Variants in TSHZ3 observed in about 807,000 individuals in gnomAD.
TSHZ3 encodes teashirt homolog 3.
In TSHZ3, 10 loss-of-function variants were observed where a neutral mutation model predicts 64.5. The ratio of observed to expected loss-of-function variants is 0.16; its 90% CI spans 0.10 to 0.26. The LOEUF (loss-of-function observed/expected upper bound fraction) is 0.26. TSHZ3 is among the 10% of genes least tolerant of loss of function. The probability of loss-of-function intolerance (pLI) is 1.00; values close to 1 mark genes in which losing one functional copy is unlikely to be tolerated. For missense variants in TSHZ3, 1,242 were observed against 1,421.7 expected, an observed-to-expected ratio of 0.87 and a Z score of 2.03; for synonymous variants, 608 against 593.1, an observed-to-expected ratio of 1.03 and a Z score of -0.36.
chr19:31,337,971 A>G (rs1917302854), intron 1 of TSHZ3, among the ~76,000 whole-genome samples: 1 of 152,224 alleles, frequency 6.6e-6, no homozygotes, highest in South Asian at 2.1e-4. Flanking sequence ...TAATGTCCAC[A>G]CTGTAAGTCA....
At chr19:31,219,496 T>G (rs1975372861) in intron 4 of TSHZ3, among the ~76,000 whole-genome samples, 1 of 152,132 alleles carries the variant, frequency 6.6e-6, no homozygotes, top group Non-Finnish European at 1.5e-5. Context: ...TCTAGAGCAG[T>G]TCTGGCCAGT....
At chr19:31,335,728 CT>C (rs1917223625) in intron 1 of TSHZ3, among the ~76,000 whole-genome samples, 1 of 152,216 alleles carries the variant, frequency 6.6e-6, no homozygotes, top group African/African-American at 2.4e-5. Flanking sequence ...GGTGAGACCT[CT>C]GTGAGGGTAC....
intron 5 of TSHZ3, among the ~76,000 whole-genome samples, chr19:31,158,996 C>CGTTT (rs138149445): frequency 0.027 from 4,070 of 152,112 alleles, 155 homozygotes; most frequent in African/African-American, 0.089. Flanking sequence ...CCCTCTTCTA[C>CGTTT]GTTTGTTTGT....
intron 5 of TSHZ3, among the ~76,000 whole-genome samples, chr19:31,177,228 T>A (rs1599562114): frequency 6.6e-6 from 1 of 152,208 alleles, no homozygotes; most frequent in Non-Finnish European, 1.5e-5. Flanking sequence ...TGGGTTACTG[T>A]AGGCATGCTG....
At chr19:31,316,859 T>C (rs369614825) in intron 1 of TSHZ3, among the ~76,000 whole-genome samples, 1 of 152,156 alleles carries the variant, frequency 6.6e-6, no homozygotes, top group East Asian at 1.9e-4. Flanking sequence ...CACTGAACAG[T>C]CTTTCTAGTC....
At chr19:31,268,119 C>T (rs1443697259) in intron 1 of TSHZ3, among the ~76,000 whole-genome samples, 1 of 152,134 alleles carries the variant, frequency 6.6e-6, no homozygotes, top group Non-Finnish European at 1.5e-5. Context: ...AGTTCCCCTG[C>T]CCATGCTGTC....
chr19:31,349,306 G>C lies in TSHZ3; in HGVS notation c.-87C>G. 7.4e-7 allele frequency: 1 copy of C among 1,345,754 alleles called. No homozygotes were observed. The highest frequency in any genetic ancestry group is 9.8e-7 in the Non-Finnish European group (1 of 1,016,588). The allele number at this position is 1,345,754 out of a possible 1,614,324, so 83.4% of individuals were successfully genotyped here. A position where few individuals can be genotyped will look rare whatever the true frequency, so the allele number is the denominator to read the frequency against. On this transcript the variant is annotated 5_prime_UTR_variant, in exon 1 of 2. Coordinates refer to ENST00000240587, the MANE Select transcript of TSHZ3 (RefSeq NM_020856.4). ...GGGAGGGGGCGGCGGGCCCGCGGGGGGGCGAGGCGGGCCTGCTCTCAGCCT... is the reference window on the plus strand; with the variant it reads ...GGGAGGGGGCGGCGGGCCCGCGGGGCGGCGAGGCGGGCCTGCTCTCAGCCT...
chr19:31,293,984 A>T (rs1490810575), intron 1 of TSHZ3, among the ~76,000 whole-genome samples: 2 of 152,164 alleles, frequency 1.3e-5, no homozygotes, highest in African/African-American at 4.8e-5. Context: ...CTTCCCATGC[A>T]TCTCTTCATT....
At chr19:31,180,294 T>G (rs1196913412) in intron 5 of TSHZ3, among the ~76,000 whole-genome samples, 1 of 152,154 alleles carries the variant, frequency 6.6e-6, no homozygotes, top group Non-Finnish European at 1.5e-5. Context: ...CAGTCCTAGA[T>G]AGCAAGGTAC....
chr19:31,255,391 A>G (rs1416857809), intron 1 of TSHZ3, among the ~76,000 whole-genome samples: 1 of 152,100 alleles, frequency 6.6e-6, no homozygotes, highest in African/African-American at 2.4e-5. Context: ...ATAACTCACC[A>G]TGTTGCAGGA....
intron 3 of TSHZ3, among the ~76,000 whole-genome samples, chr19:31,239,062 G>A (rs1975657297): frequency 6.6e-6 from 1 of 151,940 alleles, no homozygotes; most frequent in African/African-American, 2.4e-5. Flanking sequence ...CTACTAAAAT[G>A]TGTTTTTTAA....
chr19:31,250,623 T>A (rs895922137), intron 1 of TSHZ3, among the ~76,000 whole-genome samples: 1 of 152,228 alleles, frequency 6.6e-6, no homozygotes, highest in South Asian at 2.1e-4. Flanking sequence ...GTATTTTTTT[T>A]ATAATAAAAC....
chr19:31,261,930 A>G (rs528796936), intron 1 of TSHZ3, among the ~76,000 whole-genome samples: 84 of 152,246 alleles, frequency 5.5e-4, no homozygotes, highest in Non-Finnish European at 8.8e-4. Flanking sequence ...CTCCACCCCA[A>G]TGATTCTCCT....
chr19:31,213,091 C>G (rs1366407095), intron 4 of TSHZ3, among the ~76,000 whole-genome samples: 1 of 151,880 alleles, frequency 6.6e-6, no homozygotes, highest in Non-Finnish European at 1.5e-5. Context: ...TGCGGTGGCT[C>G]AAGACTATAA....
intron 1 of TSHZ3, among the ~76,000 whole-genome samples, chr19:31,325,924 T>A (rs546779438): frequency 6.6e-6 from 1 of 152,156 alleles, no homozygotes; most frequent in African/African-American, 2.4e-5. Context: ...GATACATAGA[T>A]TTGCCACCAT....
At chr19:31,236,030 C>T (rs1159787328) in intron 3 of TSHZ3, among the ~76,000 whole-genome samples, 5 of 152,078 alleles carry the variant, frequency 3.3e-5, no homozygotes, top group East Asian at 1.9e-4. Flanking sequence ...CATGTGTCAA[C>T]GTATGTATGC....
intron 1 of TSHZ3, among the ~76,000 whole-genome samples, chr19:31,247,855 AGT>A (rs34849874): frequency 0.31 from 46,075 of 150,466 alleles, 7,889 homozygotes; most frequent in African/African-American, 0.46. Flanking sequence ...ACACAATTAC[AGT>A]GTGTGTGTGT....
chr19:31,328,907 C>T (rs1164921554), intron 1 of TSHZ3, among the ~76,000 whole-genome samples: 1 of 152,196 alleles, frequency 6.6e-6, no homozygotes, highest in Non-Finnish European at 1.5e-5. Flanking sequence ...TCCTTTCAAA[C>T]ATCTTTGTCA....
intron 4 of TSHZ3, among the ~76,000 whole-genome samples, chr19:31,208,012 T>C (rs1264754390): frequency 6.6e-6 from 1 of 152,194 alleles, no homozygotes; most frequent in Non-Finnish European, 1.5e-5. Flanking sequence ...CTGCCTTTGC[T>C]GATTATAGAA....
Sources: gnomAD v4.1 joint callset for allele counts (sites outside exome capture counted in the v4.1 genomes callset) on GRCh38, gnomAD v4.1.1 for gene constraint, MANE v1.5 for transcripts, NCBI Gene and HGNC (gene_info 2026-07-23, HGNC 2026-07-21) for gene names.